Variants in ADGRB3 observed in about 807,000 individuals in gnomAD.
ADGRB3 encodes the protein brain-specific angiogenesis inhibitor 3.
In ADGRB3, 37 loss-of-function variants were observed where a neutral mutation model predicts 193.4. The ratio of observed to expected loss-of-function variants is 0.19; its 90% CI spans 0.15 to 0.25. The LOEUF is 0.25. ADGRB3 is among the 10% of genes least tolerant of loss of function. The probability of loss-of-function intolerance (pLI) is 1.00; values close to 1 mark genes in which losing one functional copy is unlikely to be tolerated. For synonymous variants in ADGRB3, 690 were observed against 644.2 expected (o/e 1.07, Z -1.08); for missense variants, 1,637 against 1,852.9 (o/e 0.88, Z 2.14).
intron 26 of ADGRB3, among the ~76,000 whole-genome samples, chr6:69,346,064 A>T (rs537136771): frequency 6.6e-6 from 1 of 152,306 alleles, no homozygotes; most frequent in South Asian, 2.1e-4. Flanking sequence ...CTTCAAGGAG[A>T]ACTACAAACC....
At chr6:68,901,678 A>G (rs1450896102) in intron 3 of ADGRB3, among the ~76,000 whole-genome samples, 1 of 152,222 alleles carries the variant, frequency 6.6e-6, no homozygotes, top group Non-Finnish European at 1.5e-5. Flanking sequence ...AAAGTCATAC[A>G]TTAAAATATT....
Position 68,771,736 on chromosome 6 carries a change from C to T in ADGRB3, c.757+132304C>T, listed in dbSNP as rs551229734. Among the ~76,000 whole-genome samples the T allele has an allele frequency of 1.8e-4, 28 of 152,162 alleles. No individual in the cohort carries two copies. In the South Asian group the frequency reaches 5.8e-3, roughly 32 times the overall value. ...AAAATATAGCAGCATTAAGGAGAAACAGAATGACATGTCCTGGGGGTGTTA... is the reference window on the plus strand; with the variant it reads ...AAAATATAGCAGCATTAAGGAGAAATAGAATGACATGTCCTGGGGGTGTTA... On this transcript the variant is annotated intron_variant, in intron 3 of 31. Transcript: ENST00000370598.
Position 69,233,558 on chromosome 6 carries a change from G to C in ADGRB3, c.2607+142G>C, listed in dbSNP as rs1582565206. 2.8e-6 allele frequency: 3 copies of C among 1,059,316 alleles called. No homozygotes were observed. The East Asian group carries it at 7.5e-5, about 27-fold the overall frequency. The allele number at this position is 1,059,316 out of a possible 1,614,324, so 65.6% of individuals were successfully genotyped here. ...TGGGTTCGTCTCCTCCTTAGCTATA[G>C]TAGCTTGGTGGAATGAATTCTAGTT... On this transcript the variant is annotated intron_variant, in intron 18 of 31. Coordinates refer to ENST00000370598, the MANE Select transcript of ADGRB3 (RefSeq NM_001704.3).
Position 69,360,978 on chromosome 6 carries a change from A to G in ADGRB3, c.3705A>G (p.Leu1235=). Residue 1235 remains leucine, a synonymous_variant, in exon 29 of 32, where the codon CTA becomes CTG. Transcript: ENST00000370598. ...AAAAGGGAACAAACCCTGAAGGGCTAAGCTATTCAACATTGCCTGGAAATG... is the reference window on the plus strand; with the variant it reads ...AAAAGGGAACAAACCCTGAAGGGCTGAGCTATTCAACATTGCCTGGAAATG... ...EEEKGTNPEG[L]SYSTLPGNVI... 1 of 1,612,814 alleles carries G rather than the reference A, an allele frequency of 6.2e-7. No homozygotes were observed. The highest frequency in any genetic ancestry group is 8.5e-7 in the Non-Finnish European group (1 of 1,179,216).
At chr6:68,859,177 T>C (rs1765077376) in intron 3 of ADGRB3, among the ~76,000 whole-genome samples, 1 of 152,218 alleles carries the variant, frequency 6.6e-6, no homozygotes, top group South Asian at 2.1e-4. Context: ...TCTCTTTGTA[T>C]AGCAAGCATG....
intron 13 of ADGRB3, among the ~76,000 whole-genome samples, chr6:69,027,156 C>A (rs1222779573): frequency 1.3e-5 from 2 of 151,494 alleles, no homozygotes; most frequent in African/African-American, 2.4e-5. Flanking sequence ...AAAATATTTT[C>A]TTTCTTTATG....
chr6:68,773,908 G>A (rs1040343808), intron 3 of ADGRB3, among the ~76,000 whole-genome samples: 1 of 152,086 alleles, frequency 6.6e-6, no homozygotes, highest in African/African-American at 2.4e-5. Flanking sequence ...GAAAAAGAAA[G>A]CCTCCTGGAG....
intron 3 of ADGRB3, among the ~76,000 whole-genome samples, chr6:68,828,443 T>C (rs889809885): frequency 4.6e-5 from 7 of 152,142 alleles, no homozygotes; most frequent in Admixed American, 1.3e-4. Flanking sequence ...TTCTATAGCT[T>C]TGAGAGAGCA....
intron 3 of ADGRB3, among the ~76,000 whole-genome samples, chr6:68,904,372 C>T (rs1766487035): frequency 6.6e-6 from 1 of 151,992 alleles, no homozygotes; most frequent in African/African-American, 2.4e-5. Context: ...CTTATGGGAC[C>T]ACTGTCATAT....
At chr6:69,293,791 C>T (rs1366603331) in intron 20 of ADGRB3, among the ~76,000 whole-genome samples, 2 of 151,846 alleles carry the variant, frequency 1.3e-5, no homozygotes, top group East Asian at 1.9e-4. Context: ...TAGAGAAGGC[C>T]GGGGACCTAC....
intron 30 of ADGRB3, among the ~76,000 whole-genome samples, chr6:69,377,714 A>G (rs1431499802): frequency 6.6e-6 from 1 of 152,068 alleles, no homozygotes; most frequent in South Asian, 2.1e-4. Flanking sequence ...TTCAGCTTCT[A>G]AAAGTCTGTA....
chr6:68,894,267 A>G (rs1010518339), intron 3 of ADGRB3, among the ~76,000 whole-genome samples: 2 of 151,966 alleles, frequency 1.3e-5, no homozygotes, highest in African/African-American at 2.4e-5. Flanking sequence ...CCACATTTAG[A>G]AAAAGCAAAA....
chr6:68,707,846 C>A (rs1388995661), intron 3 of ADGRB3, among the ~76,000 whole-genome samples: 1 of 152,120 alleles, frequency 6.6e-6, no homozygotes, highest in Non-Finnish European at 1.5e-5. Context: ...GGCATAGGTA[C>A]AGCACTAACA....
intron 3 of ADGRB3, among the ~76,000 whole-genome samples, chr6:68,692,991 A>G (rs1765100682): frequency 6.6e-6 from 1 of 151,212 alleles, no homozygotes; most frequent in African/African-American, 2.4e-5. Flanking sequence ...TATAAATATT[A>G]CCACTTATTT....
intron 3 of ADGRB3, among the ~76,000 whole-genome samples, chr6:68,775,847 C>T (rs994395129): frequency 6.6e-6 from 1 of 152,044 alleles, no homozygotes; most frequent in Non-Finnish European, 1.5e-5. Flanking sequence ...TTTTCTTTGT[C>T]TTTTTTGGTT....
intron 17 of ADGRB3, among the ~76,000 whole-genome samples, chr6:69,149,629 A>C (rs1774609101): frequency 6.6e-6 from 1 of 151,892 alleles, no homozygotes; most frequent in Non-Finnish European, 1.5e-5. Flanking sequence ...TGGGCATTTG[A>C]AAAGTTAGGT....
At position 69,238,662 on chromosome 6, in the gene ADGRB3, A is replaced by G. The variant is rs577060690; in HGVS notation, c.2712-462A>G. Among the ~76,000 whole-genome samples the G allele has an allele frequency of 1.5e-3, 235 of 152,138 alleles. 3 individuals carry two copies. The highest frequency in any genetic ancestry group is 5.2e-3 in the African/African-American group (218 of 41,534). On this transcript the variant is annotated intron_variant, in intron 19 of 31. Transcript: ENST00000370598. Reference sequence around the variant, plus strand: ...TAATGGTATCCTTCTAGTAAATAACAATAATACTTCACAATTTGAGTTTTT... The same window carrying G: ...TAATGGTATCCTTCTAGTAAATAACGATAATACTTCACAATTTGAGTTTTT...
intron 3 of ADGRB3, among the ~76,000 whole-genome samples, chr6:68,736,972 C>T (rs527696008): frequency 2.6e-4 from 39 of 151,790 alleles, no homozygotes; most frequent in African/African-American, 8.9e-4. Context: ...GGATATTTTC[C>T]CTCAATAAGT....
intron 20 of ADGRB3, among the ~76,000 whole-genome samples, chr6:69,265,520 C>T (rs964255260): frequency 1.3e-5 from 2 of 151,906 alleles, no homozygotes; most frequent in Non-Finnish European, 2.9e-5. Context: ...CCAAATCTCT[C>T]AATTTGATTA....
Sources: gnomAD v4.1 joint callset for allele counts (sites outside exome capture counted in the v4.1 genomes callset) on GRCh38, gnomAD v4.1.1 for gene constraint, MANE v1.5 for transcripts, NCBI Gene and HGNC (gene_info 2026-07-23, HGNC 2026-07-21) for gene names.